SLAIN2: variants seen among roughly 807,000 people sequenced by gnomAD.
SLAIN2 encodes SLAIN family member 2, also known as SLAIN motif-containing protein 2.
Under a neutral mutation model 56.6 loss-of-function variants are expected in SLAIN2, and 31 were observed. The observed-to-expected ratio is 0.55, with a 90% CI of 0.41 to 0.74. The LOEUF (loss-of-function observed/expected upper bound fraction) is 0.74, where lower values mean the gene tolerates loss of function less well. SLAIN2 is among the 30% of genes least tolerant of loss of function. The pLI is 0.00. For synonymous variants in SLAIN2, 317 were observed against 284.9 expected (o/e 1.11, Z -1.13); for missense variants, 777 against 754.2 (o/e 1.03, Z -0.35).
intron 1 of SLAIN2, among the ~76,000 whole-genome samples, chr4:48,356,501 C>T (rs982024188): frequency 1.3e-5 from 2 of 151,942 alleles, no homozygotes; most frequent in Admixed American, 1.3e-4. Context: ...TGAAAAGATA[C>T]GTGCTAGTAT....
intron 2 of SLAIN2, among the ~76,000 whole-genome samples, chr4:48,372,223 A>C (rs1715689837): frequency 6.6e-6 from 1 of 152,168 alleles, no homozygotes; most frequent in Non-Finnish European, 1.5e-5. Flanking sequence ...ATGGCAGTGA[A>C]TATAATAGAC....
intron 1 of SLAIN2, among the ~76,000 whole-genome samples, chr4:48,344,651 T>C (rs1714816223): frequency 6.6e-6 from 1 of 152,218 alleles, no homozygotes; most frequent in African/African-American, 2.4e-5. Flanking sequence ...CTAGTATCTT[T>C]TTTAGAAAAC....
chr4:48,367,434 C>T (rs553514421), intron 1 of SLAIN2, among the ~76,000 whole-genome samples: 124 of 152,246 alleles, frequency 8.1e-4, no homozygotes, highest in Non-Finnish European at 7.8e-4. Flanking sequence ...AAGGAGCATT[C>T]TGTATTCCCA....
At chr4:48,406,936 C>A (rs1392080756) in intron 6 of SLAIN2, among the ~76,000 whole-genome samples, 3 of 151,914 alleles carry the variant, frequency 2.0e-5, no homozygotes, top group Non-Finnish European at 4.4e-5. Context: ...TAGATATTTT[C>A]TTTTTCTTTA....
chr4:48,355,257 C>G (rs1442406344), intron 1 of SLAIN2, among the ~76,000 whole-genome samples: 4 of 152,184 alleles, frequency 2.6e-5, no homozygotes, highest in Non-Finnish European at 5.9e-5. Flanking sequence ...CCTTGCATTC[C>G]TTTTCTACTG....
intron 6 of SLAIN2, among the ~76,000 whole-genome samples, chr4:48,408,077 C>T (rs117252884): frequency 6.6e-6 from 1 of 152,248 alleles, no homozygotes; most frequent in East Asian, 1.9e-4. Context: ...TAGCTCATGC[C>T]TATAATGCCA....
At chr4:48,349,837 T>C (rs566183866) in intron 1 of SLAIN2, among the ~76,000 whole-genome samples, 5 of 152,316 alleles carry the variant, frequency 3.3e-5, no homozygotes, top group Non-Finnish European at 7.4e-5. Flanking sequence ...ATTTATTGAG[T>C]AACTGCCATA....
At chr4:48,415,317 G>T (rs1577740390) in intron 6 of SLAIN2, among the ~76,000 whole-genome samples, 1 of 60,308 alleles carries the variant, frequency 1.7e-5, no homozygotes, top group Non-Finnish European at 3.8e-5. Context: ...CAGTGATGAT[G>T]AGCATTTCTT....
At chr4:48,372,536 T>C (rs1715697448) in intron 2 of SLAIN2, among the ~76,000 whole-genome samples, 1 of 152,190 alleles carries the variant, frequency 6.6e-6, no homozygotes, top group Admixed American at 6.5e-5. Context: ...TAAAACGTCC[T>C]AAGGAGTATG....
intron 6 of SLAIN2, among the ~76,000 whole-genome samples, chr4:48,411,397 T>A (rs1198734260): frequency 6.6e-6 from 1 of 152,200 alleles, no homozygotes; most frequent in Non-Finnish European, 1.5e-5. Flanking sequence ...CTAAGAACTT[T>A]ATGGGTTAGC....
chr4:48,403,391 C>T (rs1286655917), intron 6 of SLAIN2, among the ~76,000 whole-genome samples: 1 of 152,092 alleles, frequency 6.6e-6, no homozygotes, highest in Admixed American at 6.5e-5. Flanking sequence ...TTCGTATAAC[C>T]CTGGCTGGAG....
chr4:48,402,986 TG>T (rs1409965284), intron 6 of SLAIN2, among the ~76,000 whole-genome samples: 1 of 152,206 alleles, frequency 6.6e-6, no homozygotes, highest in East Asian at 1.9e-4. Flanking sequence ...TATGGTTTTC[TG>T]GGGGTCCATT....
At chr4:48,388,231 G>C (rs1296991138) in intron 6 of SLAIN2, among the ~76,000 whole-genome samples, 1 of 151,910 alleles carries the variant, frequency 6.6e-6, no homozygotes, top group Non-Finnish European at 1.5e-5. Flanking sequence ...TTTTATATTT[G>C]GAAAATATAA....
intron 6 of SLAIN2, among the ~76,000 whole-genome samples, chr4:48,393,386 T>TTGTGTGTGTGTGTGTGTGTG (rs57142552): frequency 3.6e-4 from 49 of 135,344 alleles, no homozygotes; most frequent in Admixed American, 7.4e-4. Flanking sequence ...CATGTCTGGC[T>TTGTGTGTGTGTGTGTGTGTG]TGTGTGTGTG....
At chr4:48,347,658 A>G (rs1342682294) in intron 1 of SLAIN2, among the ~76,000 whole-genome samples, 2 of 152,230 alleles carry the variant, frequency 1.3e-5, no homozygotes, top group African/African-American at 4.8e-5. Context: ...TTAAGTTTAC[A>G]GTTCAGTGGC....
At chr4:48,386,188 G>C (rs1716095468) in intron 6 of SLAIN2, among the ~76,000 whole-genome samples, 1 of 151,430 alleles carries the variant, frequency 6.6e-6, no homozygotes, top group Non-Finnish European at 1.5e-5. Context: ...AGGTGCATAT[G>C]ATATTACTTA....
intron 6 of SLAIN2, chr4:48,394,594 A>T (rs1237891282): frequency 6.5e-7 from 1 of 1,535,760 alleles, no homozygotes; most frequent in Non-Finnish European, 8.7e-7. Flanking sequence ...AGGCTGAAAA[A>T]TTTGCCTCGC....
chr4:48,398,308 T>C (rs567435866), intron 6 of SLAIN2, among the ~76,000 whole-genome samples: 1 of 152,348 alleles, frequency 6.6e-6, no homozygotes, highest in South Asian at 2.1e-4. Context: ...GAGAAGTGTC[T>C]GTTTATGTTC....
In SLAIN2 at chr4:48,374,477, T is replaced by C. The variant is rs565815975; in HGVS notation, c.539-3419T>C. 2.0e-5 allele frequency among the ~76,000 whole-genome samples: 3 copies of C among 152,254 alleles called. No individual in the cohort carries two copies. In the South Asian group the frequency reaches 6.2e-4, roughly 32 times the overall value. On this transcript the variant is annotated intron_variant, in intron 2 of 7. Transcript: ENST00000264313. ...CTGGTTTTGAACTCCTGAGCTCAAG[T>C]GATCCACCTGCCTTGGCCTCCCAAA...
Sources: allele counts gnomAD v4.1 joint callset (sites outside exome capture counted in the v4.1 genomes callset), GRCh38; gene constraint gnomAD v4.1.1; transcripts MANE v1.5; gene names NCBI Gene and HGNC (gene_info 2026-07-23, HGNC 2026-07-21).